The following NIM1K variants were observed in gnomAD, a reference collection of about 807,000 sequenced individuals.
NIM1K encodes serine/threonine-protein kinase NIM1.
A neutral mutation model predicts 37.1 loss-of-function variants in NIM1K; 35 were observed. That is an observed-to-expected ratio of 0.94 (90% CI 0.72 to 1.25). NIM1K has a LOEUF of 1.25. NIM1K is among the 50% of genes most tolerant of loss of function. The pLI is 0.00. For missense variants in NIM1K, 564 were observed against 548.0 expected, an observed-to-expected ratio of 1.03 and a Z score of -0.29; for synonymous variants, 234 against 206.6, an observed-to-expected ratio of 1.13 and a Z score of -1.14.
intron 1 of NIM1K, among the ~76,000 whole-genome samples, chr5:43,237,808 G>A (rs902784105): frequency 6.6e-6 from 1 of 151,950 alleles, no homozygotes; most frequent in Non-Finnish European, 1.5e-5. Flanking sequence ...TATTCCACTA[G>A]AATGTGTAAG....
rs182452291 is a variant in NIM1K at position 43,240,747 on chromosome 5, G to T, written c.-694-4335G>T. Among the ~76,000 whole-genome samples the T allele has an allele frequency of 3.6e-3, 544 of 151,784 alleles. 19 individuals carry two copies. The highest frequency in any genetic ancestry group is 0.013 in the African/African-American group (530 of 41,222). On this transcript the variant is annotated intron_variant, in intron 1 of 3. Coordinates refer to ENST00000326035, the MANE Select transcript of NIM1K (RefSeq NM_153361.4). ...AAACGGGGTTTCACCATGTTGGTCA[G>T]GCTGGTCTCGAACTCCTGACCTCAA... is the stretch of plus-strand genomic sequence containing the variant.
At chr5:43,255,483 G>A (rs893220551) in intron 2 of NIM1K, among the ~76,000 whole-genome samples, 11 of 152,138 alleles carry the variant, frequency 7.2e-5, no homozygotes, top group Admixed American at 2.6e-4. Flanking sequence ...GGGCGCGGTC[G>A]GTCACGCCTG....
intron 1 of NIM1K, chr5:43,206,998 C>T (rs1752122927): frequency 1.3e-6 from 1 of 753,024 alleles, no homozygotes. Flanking sequence ...TGAGTCAGGA[C>T]AGTACTGGGC....
At chr5:43,278,283 G>A (rs906753692) in intron 3 of NIM1K, among the ~76,000 whole-genome samples, 1 of 152,120 alleles carries the variant, frequency 6.6e-6, no homozygotes, top group African/African-American at 2.4e-5. Context: ...GACCTCAAGC[G>A]ATCCACCTGC....
At chr5:43,279,101 G>A (rs376898691) in intron 3 of NIM1K, among the ~76,000 whole-genome samples, 1 of 152,160 alleles carries the variant, frequency 6.6e-6, no homozygotes, top group Non-Finnish European at 1.5e-5. Context: ...TTTCTCCAAC[G>A]CTCTGCAAAC....
At chr5:43,248,081 G>A (rs764575657) in intron 2 of NIM1K, among the ~76,000 whole-genome samples, 25 of 152,162 alleles carry the variant, frequency 1.6e-4, no homozygotes, top group Admixed American at 1.6e-3. Flanking sequence ...TTAGGACTAC[G>A]GTGAAAGGCT....
chr5:43,221,445 CTCAAAAAA>C (rs1466304471), intron 1 of NIM1K, among the ~76,000 whole-genome samples: 2 of 59,000 alleles, frequency 3.4e-5, no homozygotes, highest in African/African-American at 5.3e-5. Context: ...GTGAGACTGT[CTCAAAAAA>C]AAAAAAAAAA....
Position 43,276,049 on chromosome 5 carries a change from C to T in NIM1K, c.293-1008C>T, listed in dbSNP as rs142915212. Among the ~76,000 whole-genome samples, 11 of 151,876 alleles carry T rather than the reference C, an allele frequency of 7.2e-5. 1 individual carries two copies. The highest frequency in any genetic ancestry group is 4.2e-4 in the South Asian group (2 of 4,796). On this transcript the variant is annotated intron_variant, in intron 2 of 3. Transcript: ENST00000326035. Reference sequence around the variant, plus strand: ...CCCGAGTAGCACAGGTGCCTGCCACCGGGTCCATCTAATTTTTGTATTTTT... The same window carrying T: ...CCCGAGTAGCACAGGTGCCTGCCACTGGGTCCATCTAATTTTTGTATTTTT...
chr5:43,277,805 T>G (rs1029748594), intron 3 of NIM1K, among the ~76,000 whole-genome samples: 15 of 149,486 alleles, frequency 1.0e-4, no homozygotes, highest in Non-Finnish European at 1.9e-4. Flanking sequence ...TGTGTGTGTG[T>G]GTGTGTGTGT....
rs1255353455 is a variant in NIM1K at position 43,246,062 on chromosome 5, C to A, written c.287C>A (p.Thr96Asn). 2 of 1,608,934 alleles carry A rather than the reference C, an allele frequency of 1.2e-6. No individual in the cohort carries two copies. Among genetic ancestry groups the A allele is most frequent in the Non-Finnish European group, 1.7e-6 (2 of 1,177,114 alleles). ...SQVKLGIHSL[T>N]KEKVAIKILD... ...GTGAAGCTTGGGATTCACTCCCTAACCAAAGGTAGGATCCGACTTCCCAAG... is the reference window on the plus strand; with the variant it reads ...GTGAAGCTTGGGATTCACTCCCTAAACAAAGGTAGGATCCGACTTCCCAAG... The change falls in exon 2 of 4, where the codon ACC (threonine) becomes AAC (asparagine). Residue 96 changes from threonine (T) to asparagine (N), a missense_variant. Coordinates refer to ENST00000326035, the MANE Select transcript of NIM1K (RefSeq NM_153361.4).
chr5:43,232,266 TC>T (rs1395033706), intron 1 of NIM1K: 1 of 1,100,954 alleles, frequency 9.1e-7, no homozygotes. Flanking sequence ...TCACATTTCA[TC>T]ATCTGGTTGG....
At chr5:43,228,196 G>A (rs1430004631) in intron 1 of NIM1K, among the ~76,000 whole-genome samples, 4 of 151,786 alleles carry the variant, frequency 2.6e-5, no homozygotes, top group African/African-American at 4.8e-5. Flanking sequence ...GCCCAGGCTG[G>A]AGTGCAGTGG....
intron 3 of NIM1K, 39 bp from the exon 4 acceptor site, chr5:43,279,941 T>C (rs1753410669): frequency 1.3e-6 from 2 of 1,529,820 alleles, no homozygotes; most frequent in East Asian, 4.5e-5. Flanking sequence ...TTTGACATTT[T>C]ACTGTAAAAA....
At chr5:43,273,472 G>A (rs763069590) in intron 2 of NIM1K, among the ~76,000 whole-genome samples, 2 of 152,116 alleles carry the variant, frequency 1.3e-5, no homozygotes, top group South Asian at 2.1e-4. Context: ...GCCTCCCAAA[G>A]TGCTGGGATT....
At chr5:43,195,461 C>G (rs1751897900) in intron 1 of NIM1K, among the ~76,000 whole-genome samples, 1 of 151,882 alleles carries the variant, frequency 6.6e-6, no homozygotes, top group African/African-American at 2.4e-5. Context: ...AGTTCGAGAC[C>G]AGCCTGGGCA....
rs1254327605 is a variant in NIM1K at position 43,232,394 on chromosome 5, AC to A, written c.-694-12686del. 1.8e-5 allele frequency: 25 copies of A among 1,425,240 alleles called. No individual in the cohort carries two copies. In the African/African-American group the frequency reaches 2.7e-4, roughly 15 times the overall value. The allele number at this position is 1,425,240 out of a possible 1,614,324, so 88.3% of individuals were successfully genotyped here. A position where few individuals can be genotyped will look rare whatever the true frequency, so the allele number is the denominator to read the frequency against. ...ACGGAAGTGGATGGGGGGATAGGCC[AC>A]CAGCTTGGTCTGGAATTCTGTCAGA... On this transcript the variant is annotated intron_variant, in intron 1 of 3. Transcript: ENST00000326035.
At chr5:43,241,827 T>C (rs1752707598) in intron 1 of NIM1K, among the ~76,000 whole-genome samples, 1 of 152,030 alleles carries the variant, frequency 6.6e-6, no homozygotes, top group Non-Finnish European at 1.5e-5. Flanking sequence ...AATGTTTTCT[T>C]TAATGGCTTT....
chr5:43,220,710 G>T (rs1306118197), intron 1 of NIM1K, among the ~76,000 whole-genome samples: 1 of 151,958 alleles, frequency 6.6e-6, no homozygotes, highest in Non-Finnish European at 1.5e-5. Context: ...CATTTCAGTG[G>T]GATCCAGAAA....
chr5:43,204,053 G>T (rs1752073276), intron 1 of NIM1K, among the ~76,000 whole-genome samples: 1 of 132,942 alleles, frequency 7.5e-6, no homozygotes, highest in Non-Finnish European at 1.6e-5. Flanking sequence ...TGTAATTTGT[G>T]TATTTACTAT....
Sources: gnomAD v4.1 joint callset for allele counts (sites outside exome capture counted in the v4.1 genomes callset) on GRCh38, gnomAD v4.1.1 for gene constraint, MANE v1.5 for transcripts, NCBI Gene and HGNC (gene_info 2026-07-23, HGNC 2026-07-21) for gene names.